Variants in ZHX3 observed in about 807,000 individuals in gnomAD.
The protein encoded by ZHX3 is zinc fingers and homeoboxes 3, also known as zinc fingers and homeoboxes protein 3.
A neutral mutation model predicts 64.5 loss-of-function variants in ZHX3; 20 were observed. That is an observed-to-expected ratio of 0.31 (90% CI 0.22 to 0.45). ZHX3 has a LOEUF of 0.45. Ranked by LOEUF, ZHX3 falls within the 20% of genes least tolerant of loss-of-function variation. ZHX3 has a pLI of 1.00. For synonymous variants in ZHX3, 423 were observed against 461.6 expected, an observed-to-expected ratio of 0.92 and a Z score of 1.07; for missense variants, 1,041 against 1,195.8, an observed-to-expected ratio of 0.87 and a Z score of 1.91.
In ZHX3 at chr20:41,180,604, C is replaced by G. The variant is rs2036215085; in HGVS notation, c.*4587G>C. On this transcript the variant is annotated 3_prime_UTR_variant, in exon 4 of 4. Transcript: ENST00000683867. ...GAACCAAAAAGGAGGCTCTCAACCC[C>G]TCTCCAAGGCCAGACGCTCTCTGTA... 1 of 152,316 alleles carries G rather than the reference C, an allele frequency of 6.6e-6. No individual in the cohort carries two copies. The highest frequency in any genetic ancestry group is 1.5e-5 in the Non-Finnish European group (1 of 68,126). The allele number at this position is 152,316 out of a possible 1,614,324, so 9.4% of individuals were successfully genotyped here.
chr20:41,244,948 A>G (rs1378482646), intron 2 of ZHX3, among the ~76,000 whole-genome samples: 1 of 152,190 alleles, frequency 6.6e-6, no homozygotes, highest in African/African-American at 2.4e-5. Context: ...GAGGAAGGAA[A>G]GAAAAGAAGG....
intron 1 of ZHX3, among the ~76,000 whole-genome samples, chr20:41,312,624 G>A (rs1240203709): frequency 1.3e-5 from 2 of 152,174 alleles, no homozygotes; most frequent in East Asian, 3.9e-4. Flanking sequence ...CTATAGAAGT[G>A]GTGATCAGGG....
At chr20:41,277,096 G>A (rs2043418890) in intron 1 of ZHX3, among the ~76,000 whole-genome samples, 1 of 152,198 alleles carries the variant, frequency 6.6e-6, no homozygotes, top group African/African-American at 2.4e-5. Flanking sequence ...ACAGCATGAG[G>A]AAGGAACTTT....
chr20:41,208,702 A>G (rs1341047478), intron 2 of ZHX3, among the ~76,000 whole-genome samples: 3 of 152,204 alleles, frequency 2.0e-5, no homozygotes, highest in African/African-American at 7.2e-5. Flanking sequence ...CAAAATAATA[A>G]GAGCTATTTA....
intron 2 of ZHX3, among the ~76,000 whole-genome samples, chr20:41,242,116 C>A (rs1264923144): frequency 2.0e-5 from 3 of 152,042 alleles, no homozygotes; most frequent in African/African-American, 7.2e-5. Flanking sequence ...GTTGTCTCTG[C>A]CCTCAAGAAG....
intron 3 of ZHX3, among the ~76,000 whole-genome samples, chr20:41,198,463 A>G (rs930623928): frequency 1.3e-5 from 2 of 151,706 alleles, no homozygotes; most frequent in African/African-American, 4.8e-5. Flanking sequence ...TTTGCCATAT[A>G]CAGAAATCTT....
Position 41,204,472 on chromosome 20 carries a change from CAT to C in ZHX3, c.443_444del (p.His148ArgfsTer9). 1 of 1,614,232 alleles carries C rather than the reference CAT, an allele frequency of 6.2e-7. No individual in the cohort carries two copies. The highest frequency in any genetic ancestry group is 8.5e-7 in the Non-Finnish European group (1 of 1,180,042). The stretch of plus-strand genomic sequence containing the variant: ...TCAGGGATGCTCTGCTCCACAACCA[CAT>C]GATTGTCTGGCTTGGCCACGTTCCA... ...FVWNVAKPDN[H>X]VVVEQSIPES... On this transcript the variant is annotated frameshift_variant, in exon 3 of 4. Transcript: ENST00000683867. LOFTEE classifies it high-confidence loss of function. The surrounding 1 kb of genome is among the most constrained non-coding windows in gnomAD (Gnocchi z 6.6).
chr20:41,308,522 C>T (rs1000734079), intron 1 of ZHX3, among the ~76,000 whole-genome samples: 18 of 152,188 alleles, frequency 1.2e-4, no homozygotes, highest in Non-Finnish European at 5.9e-5. Context: ...ACATTCTTTT[C>T]CCAAAGCTTT....
chr20:41,313,591 G>C (rs1437033851), intron 1 of ZHX3, among the ~76,000 whole-genome samples: 2 of 140,364 alleles, frequency 1.4e-5, no homozygotes, highest in Non-Finnish European at 1.5e-5. Flanking sequence ...ATACTTTTAG[G>C]CCTTTTTTTT....
rs187759143 is a variant in ZHX3, at chr20:41,200,541, G to C, written c.2860+1516C>G. Among the ~76,000 whole-genome samples, 38 of 152,292 alleles carry C rather than the reference G, an allele frequency of 2.5e-4. No homozygotes were observed. Among genetic ancestry groups the C allele is most frequent in the African/African-American group, 8.4e-4 (35 of 41,560 alleles). On this transcript the variant is annotated intron_variant, in intron 3 of 3. Coordinates refer to ENST00000683867, the MANE Select transcript of ZHX3 (RefSeq NM_001384317.1). The surrounding 1 kb of genome is among the most constrained non-coding windows in gnomAD (Gnocchi z 4.2). The stretch of plus-strand genomic sequence containing the variant: ...TACTTTATAAAGCAGGCTGTGAGCT[G>C]TGGGCCCCAAAGGAGGGGAGTGTTT...
At chr20:41,270,600 C>T (rs1004078625) in intron 1 of ZHX3, among the ~76,000 whole-genome samples, 2 of 151,508 alleles carry the variant, frequency 1.3e-5, no homozygotes, top group African/African-American at 2.4e-5. Context: ...AGCGTGAACC[C>T]GGGAGGTGGA....
rs374374660 is a variant in ZHX3, at chr20:41,255,089, G to A, written c.-151+13901C>T. ...GCCACCCTACTAGAGTTTAATAAAA[G>A]GTAGGTCAGGGTGGTTTGGAAGATT... On this transcript the variant is annotated intron_variant, in intron 2 of 3. Transcript: ENST00000683867. Among the ~76,000 whole-genome samples the A allele has an allele frequency of 2.0e-5, 3 of 152,076 alleles. No individual in the cohort carries two copies. In the South Asian group the frequency reaches 6.2e-4, roughly 32 times the overall value.
chr20:41,231,723 T>A (rs1264450555), intron 2 of ZHX3, among the ~76,000 whole-genome samples: 2 of 152,132 alleles, frequency 1.3e-5, no homozygotes, highest in Non-Finnish European at 2.9e-5. Context: ...GCAGGAAAAT[T>A]AACATATCCT....
In ZHX3 at chr20:41,208,123, C is replaced by T. The variant is rs377739931; in HGVS notation, c.-150-3057G>A. 2.1e-4 allele frequency among the ~76,000 whole-genome samples: 32 copies of T among 152,152 alleles called. No homozygotes were observed. In the East Asian group the frequency reaches 2.3e-3, roughly 11 times the overall value. On this transcript the variant is annotated intron_variant, in intron 2 of 3. Coordinates refer to ENST00000683867, the MANE Select transcript of ZHX3 (RefSeq NM_001384317.1). ...TGGATAAATTCCTGGACACATACACCCTCCCAAGACTAAACCAGGAAGAAG... is the reference window on the plus strand; with the variant it reads ...TGGATAAATTCCTGGACACATACACTCTCCCAAGACTAAACCAGGAAGAAG...
chr20:41,199,754 G>A (rs909984901), intron 3 of ZHX3, among the ~76,000 whole-genome samples: 3 of 150,152 alleles, frequency 2.0e-5, no homozygotes, highest in African/African-American at 4.9e-5. Context: ...AGGCTGGAAC[G>A]CAGTGGTGTC....
At chr20:41,218,183 C>T (rs1368388963) in intron 2 of ZHX3, among the ~76,000 whole-genome samples, 1 of 150,084 alleles carries the variant, frequency 6.7e-6, no homozygotes, top group African/African-American at 2.5e-5. Flanking sequence ...GTGGCTCATA[C>T]CTGCAATCCC....
At chr20:41,196,473 AT>A (rs1290505961) in intron 3 of ZHX3, among the ~76,000 whole-genome samples, 2 of 42,982 alleles carry the variant, frequency 4.7e-5, no homozygotes, top group Admixed American at 4.3e-4. Flanking sequence ...TATAATATAT[AT>A]TTATATATTA....
intron 3 of ZHX3, among the ~76,000 whole-genome samples, chr20:41,189,763 C>T (rs750709107): frequency 2.6e-5 from 4 of 152,110 alleles, no homozygotes; most frequent in Non-Finnish European, 5.9e-5. Flanking sequence ...AGTATCAGAT[C>T]ATGTCATCTG....
chr20:41,312,386 C>T (rs1600682140), intron 1 of ZHX3, among the ~76,000 whole-genome samples: 1 of 152,150 alleles, frequency 6.6e-6, no homozygotes. Flanking sequence ...GTTGTGGAAG[C>T]TTTGTTTTTT....
Sources: gnomAD v4.1 joint callset for allele counts (sites outside exome capture counted in the v4.1 genomes callset) on GRCh38, gnomAD v4.1.1 for gene constraint, Gnocchi (gnomAD v3.1) non-coding constraint, MANE v1.5 for transcripts, NCBI Gene and HGNC (gene_info 2026-07-23, HGNC 2026-07-21) for gene names.